Variants in NEDD1 observed in about 807,000 individuals in gnomAD.
NEDD1 encodes the protein protein NEDD1.
In NEDD1, 33 loss-of-function variants were observed where a neutral mutation model predicts 74.0. The ratio of observed to expected loss-of-function variants is 0.45; its 90% CI spans 0.34 to 0.60. The LOEUF is 0.60. Ranked by LOEUF, NEDD1 falls within the 20% of genes least tolerant of loss-of-function variation. NEDD1 has a pLI of 0.01. For missense variants in NEDD1, 746 were observed against 776.5 expected, an observed-to-expected ratio of 0.96 and a Z score of 0.47; for synonymous variants, 250 against 264.4, an observed-to-expected ratio of 0.95 and a Z score of 0.53.
At chr12:96,909,378 TG>T (rs1481513300) in intron 2 of NEDD1, among the ~76,000 whole-genome samples, 1 of 152,058 alleles carries the variant, frequency 6.6e-6, no homozygotes, top group East Asian at 1.9e-4. Flanking sequence ...CATGGGAATC[TG>T]GGGAGAACAT....
Position 96,907,792 on chromosome 12 carries a change from C to A in NEDD1, c.-73C>A. ...TTGTGTCCTGACTGCTAGCTTTCGACGGGACCGTCTTTGAGGGACTCATGT... is the reference window on the plus strand; with the variant it reads ...TTGTGTCCTGACTGCTAGCTTTCGAAGGGACCGTCTTTGAGGGACTCATGT... On this transcript the variant is annotated 5_prime_UTR_variant, in exon 2 of 16. Coordinates refer to ENST00000266742, the MANE Select transcript of NEDD1 (RefSeq NM_152905.4). 1 of 1,497,212 alleles carries A rather than the reference C, an allele frequency of 6.7e-7. No homozygotes were observed. Among genetic ancestry groups the A allele is most frequent in the Non-Finnish European group, 8.9e-7 (1 of 1,121,480 alleles). The allele number at this position is 1,497,212 out of a possible 1,614,324, so 92.7% of individuals were successfully genotyped here.
Position 96,937,250 on chromosome 12 carries a change from G to A in NEDD1, c.974G>A (p.Ser325Asn). The A allele has an allele frequency of 6.2e-7, 1 of 1,612,622 alleles. No individual in the cohort carries two copies. The highest frequency in any genetic ancestry group is 8.5e-7 in the Non-Finnish European group (1 of 1,179,164). ...SNKPTTVNKR[S>N]VNVNAASGGV... ...AAGCCCACAACAGTGAACAAACGAA[G>A]TGTTAATGTGAATGCTGCTAGTGGA... Residue 325 changes from serine to asparagine, a missense_variant, in exon 9 of 16, where the codon AGT becomes AAT. Ser to Asn is a conservative substitution (Grantham distance 46, BLOSUM62 1). Transcript: ENST00000266742.
At chr12:96,909,671 T>C (rs910166926) in intron 2 of NEDD1, 81 bp from the exon 3 acceptor site, 1 of 1,134,956 alleles carries the variant, frequency 8.8e-7, no homozygotes, top group African/African-American at 1.6e-5. Context: ...GAGCCACTTG[T>C]TTTAGATTAG....
rs1169167819 is a variant in NEDD1 at position 96,907,597 on chromosome 12, T to G, written c.-261-7T>G. The G allele has an allele frequency of 6.4e-7, 1 of 1,550,986 alleles. No individual in the cohort carries two copies. The highest frequency in any genetic ancestry group is 8.7e-7 in the Non-Finnish European group (1 of 1,146,492). On this transcript the variant is annotated splice_polypyrimidine_tract_variant and splice_region_variant and intron_variant, in intron 1 of 15. Transcript: ENST00000266742. ...TTTGTCAACCTCAAGTACTTTTCTT[T>G]TGGCAGGTACTTGGATGCATTTTAC...
intron 6 of NEDD1, among the ~76,000 whole-genome samples, chr12:96,930,203 A>ACTCTCT (rs1797401107): frequency 1.5e-5 from 1 of 67,234 alleles, no homozygotes; most frequent in African/African-American, 5.5e-5. Context: ...ACACACACAC[A>ACTCTCT]CACACACACT....
At chr12:96,931,217 A>C (rs1427396222) in intron 6 of NEDD1, among the ~76,000 whole-genome samples, 1 of 152,214 alleles carries the variant, frequency 6.6e-6, no homozygotes, top group East Asian at 1.9e-4. Flanking sequence ...TAGTAAGAAA[A>C]TGATGTGAAT....
intron 10 of NEDD1, among the ~76,000 whole-genome samples, chr12:96,942,344 A>G (rs1222324795): frequency 1.3e-5 from 2 of 152,120 alleles, no homozygotes; most frequent in African/African-American, 2.4e-5. Context: ...TTGCTGCCTC[A>G]TTAAATGACT....
intron 6 of NEDD1, among the ~76,000 whole-genome samples, chr12:96,931,779 A>G (rs1488319036): frequency 1.3e-5 from 2 of 152,198 alleles, no homozygotes; most frequent in Admixed American, 6.5e-5. Flanking sequence ...TTTTCTGTTG[A>G]TACTCTACTG....
At chr12:96,926,027 A>G (rs753023113) in intron 6 of NEDD1, among the ~76,000 whole-genome samples, 2 of 151,630 alleles carry the variant, frequency 1.3e-5, no homozygotes, top group Non-Finnish European at 2.9e-5. Context: ...ATACTTTCAA[A>G]GGGATTTTTT....
At position 96,907,728 on chromosome 12, in the gene NEDD1, TG is replaced by T; in HGVS notation, c.-136del. On this transcript the variant is annotated 5_prime_UTR_variant, in exon 2 of 16. Transcript: ENST00000266742. ...TGAGTGGTGTAGTTGAATTGGTTCC[TG>T]TAGCCGCTGTCCCTAAACCCAGGCC... 1 of 1,548,898 alleles carries T rather than the reference TG, an allele frequency of 6.5e-7. No individual in the cohort carries two copies. The highest frequency in any genetic ancestry group is 8.7e-7 in the Non-Finnish European group (1 of 1,145,640).
rs1873480016 is a variant in NEDD1, at chr12:96,907,775, T to C, written c.-90T>C. On this transcript the variant is annotated 5_prime_UTR_variant, in exon 2 of 16. Coordinates refer to ENST00000266742, the MANE Select transcript of NEDD1 (RefSeq NM_152905.4). ...AGGCCGACGTTACCGCCTTGTGTCC[T>C]GACTGCTAGCTTTCGACGGGACCGT... 1 of 1,520,034 alleles carries C rather than the reference T, an allele frequency of 6.6e-7. No individual in the cohort carries two copies. Among genetic ancestry groups the C allele is most frequent in the Admixed American group, 2.0e-5 (1 of 48,800 alleles). The allele number at this position is 1,520,034 out of a possible 1,614,324, so 94.2% of individuals were successfully genotyped here. A position where few individuals can be genotyped will look rare whatever the true frequency, so the allele number is the denominator to read the frequency against.
intron 12 of NEDD1, among the ~76,000 whole-genome samples, chr12:96,943,978 A>C (rs1877933705): frequency 6.6e-6 from 1 of 152,096 alleles, no homozygotes; most frequent in African/African-American, 2.4e-5. Context: ...CTAAGATGAG[A>C]TACTTGATAT....
At chr12:96,940,024 G>A (rs1240745010) in intron 9 of NEDD1, among the ~76,000 whole-genome samples, 1 of 152,014 alleles carries the variant, frequency 6.6e-6, no homozygotes. Flanking sequence ...CACATTTGTA[G>A]ATGATCATGA....
rs765494664 is a variant in NEDD1, at chr12:96,909,905, A to T, written c.136+10A>T. On this transcript the variant is annotated intron_variant, in intron 3 of 15. Transcript: ENST00000266742. ...TGTTGGAGCAGCAATAGTATCCTTT[A>T]AAAAAAAAAAACACACACACACACA... The T allele has an allele frequency of 2.6e-6, 1 of 385,154 alleles. No individual in the cohort carries two copies. Among genetic ancestry groups the T allele is most frequent in the Non-Finnish European group, 3.7e-6 (1 of 272,916 alleles). 23.9% of individuals were successfully genotyped at this position (385,154 alleles called of 1,614,324 possible). A position where few individuals can be genotyped will look rare whatever the true frequency, so the allele number is the denominator to read the frequency against.
intron 14 of NEDD1, among the ~76,000 whole-genome samples, chr12:96,950,101 T>C (rs1878566880): frequency 6.6e-6 from 1 of 151,938 alleles, no homozygotes; most frequent in Admixed American, 6.6e-5. Flanking sequence ...TCAGATTATG[T>C]AAAGAATGCT....
chr12:96,931,148 G>T (rs947110504), intron 6 of NEDD1, among the ~76,000 whole-genome samples: 10 of 152,144 alleles, frequency 6.6e-5, no homozygotes, highest in Non-Finnish European at 8.8e-5. Context: ...ATATATATGT[G>T]TGTATGTTCA....
chr12:96,942,580 C>G lies in NEDD1; in HGVS notation c.1250C>G (p.Ala417Gly). 6.8e-7 allele frequency: 1 copy of G among 1,463,332 alleles called. No individual in the cohort carries two copies. Among genetic ancestry groups the G allele is most frequent in the South Asian group, 1.2e-5 (1 of 86,932 alleles). The allele number at this position is 1,463,332 out of a possible 1,614,324, so 90.6% of individuals were successfully genotyped here. Residue 417 changes from alanine to glycine, a missense_variant, in exon 11 of 16, where the codon GCT becomes GGT. Coordinates refer to ENST00000266742, the MANE Select transcript of NEDD1 (RefSeq NM_152905.4). ...GDMFSPIRDD[A>G]VVNKGSDESI... ...TTGATTTTCTAATTTGTTATAGATG[C>G]TGTAGTTAACAAGGGAAGTGATGAG...
chr12:96,945,313 C>T (rs1225524296), intron 13 of NEDD1, among the ~76,000 whole-genome samples: 1 of 152,052 alleles, frequency 6.6e-6, no homozygotes. Flanking sequence ...AACTCTAAGG[C>T]TTTTCCTGTA....
At chr12:96,925,643 T>C (rs1417956121) in intron 6 of NEDD1, among the ~76,000 whole-genome samples, 1 of 152,220 alleles carries the variant, frequency 6.6e-6, no homozygotes, top group Non-Finnish European at 1.5e-5. Flanking sequence ...CATGTACCTA[T>C]ACCTCTTCCT....
Sources: allele counts gnomAD v4.1 joint callset (sites outside exome capture counted in the v4.1 genomes callset), GRCh38; gene constraint gnomAD v4.1.1; transcripts MANE v1.5; gene names NCBI Gene and HGNC (gene_info 2026-07-23, HGNC 2026-07-21).